Variants in COX17 observed in about 807,000 individuals in gnomAD.
The protein encoded by COX17 is cytochrome c oxidase copper chaperone.
COX17 carries 1 observed loss-of-function variant against 6.3 expected under a neutral mutation model. That is an observed-to-expected ratio of 0.16 (90% CI 0.06 to 0.75). The LOEUF (loss-of-function observed/expected upper bound fraction) is 0.75. Among genes scored for constraint, COX17 ranks in the 30% least tolerant of loss-of-function variants. The pLI is 0.77. For synonymous variants in COX17, 26 were observed against 30.5 expected, an observed-to-expected ratio of 0.85 and a Z score of 0.49; for missense variants, 73 against 81.2, an observed-to-expected ratio of 0.90 and a Z score of 0.39.
intron 2 of COX17, among the ~76,000 whole-genome samples, chr3:119,672,767 TTC>T (rs975453592): frequency 2.0e-5 from 3 of 152,214 alleles, no homozygotes; most frequent in African/African-American, 7.2e-5. Flanking sequence ...TGTATTATGG[TTC>T]TCTTTTTATA....
downstream of COX17, among the ~76,000 whole-genome samples, chr3:119,668,380 T>G (rs922938621): frequency 6.6e-6 from 1 of 152,156 alleles, no homozygotes; most frequent in Non-Finnish European, 1.5e-5. Context: ...AGATTATCTC[T>G]GTAAATCATG....
chr3:119,670,901 T>C (rs573755806), intron 2 of COX17, among the ~76,000 whole-genome samples: 15 of 152,214 alleles, frequency 9.9e-5, no homozygotes, highest in African/African-American at 3.6e-4. Context: ...GTCTCCAAAA[T>C]AGGTTCTTTA....
Position 119,675,262 on chromosome 3 carries a change from AAT to A in COX17, c.108-31_108-30del, listed in dbSNP as rs779919330. 3.4e-6 allele frequency: 5 copies of A among 1,461,910 alleles called. No individual in the cohort carries two copies. The African/African-American group carries it at 6.9e-5, about 20-fold the overall frequency. 90.6% of individuals were successfully genotyped at this position (1,461,910 alleles called of 1,614,324 possible). On this transcript the variant is annotated intron_variant, in intron 1 of 2. Coordinates refer to ENST00000261070, the MANE Select transcript of COX17 (RefSeq NM_005694.2). ...TAAAACAAAATGTACTTGTTATCTAAATATGCATTAAGCACATTATTAAGTAT... is the reference window on the plus strand; with the variant it reads ...TAAAACAAAATGTACTTGTTATCTAAATGCATTAAGCACATTATTAAGTAT...
chr3:119,675,283 T>TTAATA (rs1356300377), intron 1 of COX17, 50 bp from the exon 2 acceptor site: 4 of 1,284,196 alleles, frequency 3.1e-6, no homozygotes, highest in Admixed American at 1.7e-5. Flanking sequence ...AGCACATTAT[T>TTAATA]AAGTATGCAT....
Position 119,677,341 on chromosome 3 carries a change from A to C in COX17, c.-31T>G. The C allele has an allele frequency of 6.3e-7, 1 of 1,581,956 alleles. No homozygotes were observed. The highest frequency in any genetic ancestry group is 8.6e-7 in the Non-Finnish European group (1 of 1,156,716). The stretch of plus-strand genomic sequence containing the variant: ...GCGCCAAAAGCAGCTATGAGCGGAG[A>C]CAGCCAAATCTATGCCAGCCTCGGC... On this transcript the variant is annotated 5_prime_UTR_variant, in exon 1 of 3. Transcript: ENST00000261070.
At chr3:119,675,120 C>T (rs190798972) in intron 2 of COX17, 25 bp downstream of exon 2, 13 of 1,518,886 alleles carry the variant, frequency 8.6e-6, no homozygotes, top group South Asian at 4.5e-5. Flanking sequence ...TAAAGCAATA[C>T]ACAACTTTGA....
downstream of COX17, among the ~76,000 whole-genome samples, chr3:119,665,894 T>C (rs1296967122): frequency 6.6e-6 from 1 of 152,222 alleles, no homozygotes; most frequent in East Asian, 1.9e-4. Context: ...TCACATTCTA[T>C]AAAAACTGAA....
chr3:119,671,200 G>A (rs937232933), intron 2 of COX17, among the ~76,000 whole-genome samples: 2 of 152,166 alleles, frequency 1.3e-5, no homozygotes, highest in African/African-American at 4.8e-5. Context: ...TCATCTAGGA[G>A]TTTCTCAGTC....
chr3:119,668,095 C>T (rs2053010614), downstream of COX17, among the ~76,000 whole-genome samples: 1 of 151,902 alleles, frequency 6.6e-6, no homozygotes, highest in Admixed American at 6.6e-5. Context: ...ACCTTAGGGG[C>T]AAAACATGAT....
chr3:119,668,775 A>G (rs1015113386), downstream of COX17, among the ~76,000 whole-genome samples: 8 of 152,006 alleles, frequency 5.3e-5, no homozygotes, highest in African/African-American at 1.9e-4. Flanking sequence ...TTATGTTCTC[A>G]GTATCTTTTG....
In COX17 at chr3:119,677,274, C is replaced by T. The variant is rs1301192711; in HGVS notation, c.37G>A (p.Glu13Lys). ...TTCAGCGGCTTCTTCTCCTGAGACT[C>T]AGGCGGGGCAGGGTTTGAGTCAACC... ...GLVDSNPAPP[E>K]SQEKKPLKPC... Residue 13 changes from glutamate (E) to lysine (K), a missense_variant, in exon 1 of 3, where the codon GAG becomes AAG. Glu to Lys is a moderately conservative substitution (Grantham distance 56). Coordinates refer to ENST00000261070, the MANE Select transcript of COX17 (RefSeq NM_005694.2). 1 of 1,611,924 alleles carries T rather than the reference C, an allele frequency of 6.2e-7. No individual in the cohort carries two copies. Among genetic ancestry groups the T allele is most frequent in the Non-Finnish European group, 8.5e-7 (1 of 1,179,948 alleles).
At chr3:119,668,591 C>T (rs1433065964), downstream of COX17, among the ~76,000 whole-genome samples, 40 of 149,874 alleles carry the variant, frequency 2.7e-4, 1 homozygote, top group Admixed American at 2.6e-3. Context: ...AGAAGCTATG[C>T]CTTGCTTGAG....
At chr3:119,677,030 GGGGGGC>G (rs2053109144) in intron 1 of COX17, 168 bp downstream of exon 1, 3 of 557,604 alleles carry the variant, frequency 5.4e-6, no homozygotes, top group Non-Finnish European at 6.5e-6. Flanking sequence ...GGGCGGGGGG[GGGGGGC>G]AGACAGGGAG....
downstream of COX17, among the ~76,000 whole-genome samples, chr3:119,667,195 C>A (rs574688497): frequency 1.3e-5 from 2 of 152,156 alleles, no homozygotes; most frequent in African/African-American, 4.8e-5. Flanking sequence ...AGAGCAAGGG[C>A]TTAGCAAAGA....
At chr3:119,677,042 G>T in intron 1 of COX17, 162 bp downstream of exon 1, 1 of 626,376 alleles carries the variant, frequency 1.6e-6, no homozygotes. Flanking sequence ...GGGGCAGACA[G>T]GGAGGAGGAG....
chr3:119,675,047 A>G lies in COX17; in HGVS notation c.*4+98T>C, dbSNP rs2053085495. 3 of 832,924 alleles carry G rather than the reference A, an allele frequency of 3.6e-6. No individual in the cohort carries two copies. In the Admixed American group the frequency reaches 6.5e-5, roughly 18 times the overall value. 51.6% of individuals were successfully genotyped at this position (832,924 alleles called of 1,614,324 possible). On this transcript the variant is annotated intron_variant, in intron 2 of 2. Transcript: ENST00000261070. Reference sequence around the variant, plus strand: ...GGTTTTTTCAAATTGATACTTAAGCATTTTAGATTAACCAGGTGAACTACC... The same window carrying G: ...GGTTTTTTCAAATTGATACTTAAGCGTTTTAGATTAACCAGGTGAACTACC...
intron 1 of COX17, among the ~76,000 whole-genome samples, chr3:119,676,044 G>A (rs1190261839): frequency 6.6e-6 from 1 of 152,192 alleles, no homozygotes; most frequent in Non-Finnish European, 1.5e-5. Context: ...ATCATTTATT[G>A]CCATGTATAC....
intron 1 of COX17, among the ~76,000 whole-genome samples, chr3:119,676,083 C>G (rs1313771013): frequency 3.3e-5 from 5 of 152,192 alleles, no homozygotes; most frequent in Non-Finnish European, 5.9e-5. Context: ...TGGCTTGTAT[C>G]ATTAACCTTT....
At chr3:119,674,224 G>A (rs2053075448) in intron 2 of COX17, among the ~76,000 whole-genome samples, 1 of 151,130 alleles carries the variant, frequency 6.6e-6, no homozygotes. Flanking sequence ...CTTCTGCCCT[G>A]TCTGGGAAGT....
Sources: gnomAD v4.1 joint callset for allele counts (sites outside exome capture counted in the v4.1 genomes callset) on GRCh38, gnomAD v4.1.1 for gene constraint, MANE v1.5 for transcripts, NCBI Gene and HGNC (gene_info 2026-07-23, HGNC 2026-07-21) for gene names.